Variants in ADCY1 observed in about 807,000 individuals in gnomAD.
ADCY1 encodes adenylate cyclase 1, also known as adenylate cyclase type 1.
A neutral mutation model predicts 105.4 loss-of-function variants in ADCY1; 28 were observed. That is an observed-to-expected ratio of 0.27 (90% CI 0.20 to 0.36). ADCY1 has a LOEUF of 0.36. Ranked by LOEUF, ADCY1 falls within the 10% of genes least tolerant of loss-of-function variation. ADCY1 has a pLI of 1.00. For missense variants in ADCY1, 977 were observed against 1,434.2 expected (o/e 0.68, Z 5.15); for synonymous variants, 655 against 623.8 (o/e 1.05, Z -0.75).
chr7:45,592,290 G>A (rs7800510), intron 1 of ADCY1, among the ~76,000 whole-genome samples: 10,749 of 152,092 alleles, frequency 0.071, 387 homozygotes, highest in African/African-American at 0.082. Flanking sequence ...CTGAGACCTC[G>A]TTCCTGGGCT....
chr7:45,720,959 C>T lies in ADCY1; in HGVS notation c.*6964C>T, dbSNP rs903808412. On this transcript the variant is annotated 3_prime_UTR_variant, in exon 20 of 20. Transcript: ENST00000297323. ...TGGGGACTTGAGTAAAGTCACACAG[C>T]CCTGAGAGGCAGGACCAGGGTTCCA... 1 of 152,264 alleles carries T rather than the reference C, an allele frequency of 6.6e-6. No individual in the cohort carries two copies. 9.4% of individuals were successfully genotyped at this position (152,264 alleles called of 1,614,324 possible). A position where few individuals can be genotyped will look rare whatever the true frequency, so the allele number is the denominator to read the frequency against.
Position 45,590,717 on chromosome 7 carries a change from C to T in ADCY1, c.640-2042C>T, listed in dbSNP as rs80172854. 5.8e-3 allele frequency among the ~76,000 whole-genome samples: 877 copies of T among 152,136 alleles called. 5 individuals carry two copies. Among genetic ancestry groups the T allele is most frequent in the Non-Finnish European group, 8.4e-3 (573 of 67,998 alleles). On this transcript the variant is annotated intron_variant, in intron 1 of 19. Coordinates refer to ENST00000297323, the MANE Select transcript of ADCY1 (RefSeq NM_021116.4). Reference sequence around the variant, plus strand: ...AGGGTCATAGTGGAGATTTCAAGGTCACCTTCTTGATGCTCAGGGTCTGGG... The same window carrying T: ...AGGGTCATAGTGGAGATTTCAAGGTTACCTTCTTGATGCTCAGGGTCTGGG...
chr7:45,679,567 G>A, intron 10 of ADCY1, 142 bp from the exon 11 acceptor site: 1 of 775,524 alleles, frequency 1.3e-6, no homozygotes, highest in Non-Finnish European at 2.2e-6. Flanking sequence ...AGAGACCTGA[G>A]TGGCAGGCAT....
rs753914028 is a variant in ADCY1, at chr7:45,704,583, C to T, written c.2784C>T (p.Ala928=). ...KIKTIGSTYM[A]AVGLAPTSGT... The stretch of plus-strand genomic sequence containing the variant: ...AGACCATCGGGAGCACCTACATGGC[C>T]GCTGTGGGGCTAGCGCCCACCTCGG... Residue 928 remains alanine (A), a synonymous_variant, in exon 17 of 20, where the codon GCC becomes GCT. Transcript: ENST00000297323. 8.5e-5 allele frequency: 137 copies of T among 1,614,092 alleles called. No individual in the cohort carries two copies. The highest frequency in any genetic ancestry group is 6.7e-5 in the Admixed American group (4 of 60,010).
rs1277542853 is a variant in ADCY1 at position 45,715,403 on chromosome 7, G to C, written c.*1408G>C. The C allele has an allele frequency of 6.6e-6, 1 of 152,454 alleles. No homozygotes were observed. The highest frequency in any genetic ancestry group is 1.9e-4 in the East Asian group (1 of 5,188). The allele number at this position is 152,454 out of a possible 1,614,324, so 9.4% of individuals were successfully genotyped here. On this transcript the variant is annotated 3_prime_UTR_variant, in exon 20 of 20. Transcript: ENST00000297323. Reference sequence around the variant, plus strand: ...CAGATGAGGCCTGAGCCCTGCCTATGCTCAAAGCCAGCAGGGTTGGGGGTC... The same window carrying C: ...CAGATGAGGCCTGAGCCCTGCCTATCCTCAAAGCCAGCAGGGTTGGGGGTC...
intron 1 of ADCY1, among the ~76,000 whole-genome samples, chr7:45,578,862 G>A (rs1792431273): frequency 6.6e-6 from 1 of 152,208 alleles, no homozygotes; most frequent in Non-Finnish European, 1.5e-5. Context: ...TGTGAATCAG[G>A]ATATTGTATT....
rs116239425 is a variant in ADCY1, at chr7:45,703,231, T to C, written c.2455-145T>C. The stretch of plus-strand genomic sequence containing the variant: ...CCAGTAACATGGATCTAGTCTTGCA[T>C]CTAGTGGGGAGGAGGGACAGGAGCG... On this transcript the variant is annotated intron_variant, in intron 14 of 19. Transcript: ENST00000297323. The surrounding 1 kb of genome is among the most constrained non-coding windows in gnomAD (Gnocchi z 5.9). The C allele has an allele frequency of 1.1e-5, 8 of 755,198 alleles. No individual in the cohort carries two copies. In the African/African-American group the frequency reaches 1.4e-4, roughly 13 times the overall value. 46.8% of individuals were successfully genotyped at this position (755,198 alleles called of 1,614,324 possible).
At position 45,681,053 on chromosome 7, in the gene ADCY1, A is replaced by G. The variant is rs191223348; in HGVS notation, c.1983+1260A>G. On this transcript the variant is annotated intron_variant, in intron 11 of 19. Coordinates refer to ENST00000297323, the MANE Select transcript of ADCY1 (RefSeq NM_021116.4). ...TGAGACGGGTCAGCCCCTTTCCCACATGTGAGGAAAGTGGGCTCAGGCAGG... is the reference window on the plus strand; with the variant it reads ...TGAGACGGGTCAGCCCCTTTCCCACGTGTGAGGAAAGTGGGCTCAGGCAGG... Among the ~76,000 whole-genome samples, 425 of 152,318 alleles carry G rather than the reference A, an allele frequency of 2.8e-3. 4 individuals are homozygous for G. The highest frequency in any genetic ancestry group is 9.3e-3 in the African/African-American group (387 of 41,572).
intron 17 of ADCY1, among the ~76,000 whole-genome samples, chr7:45,705,920 T>C (rs1173652632): frequency 1.3e-5 from 2 of 152,176 alleles, no homozygotes; most frequent in Non-Finnish European, 2.9e-5. Flanking sequence ...CAATGAACAA[T>C]TGGAATTTGC....
Position 45,708,595 on chromosome 7 carries a change from G to T in ADCY1, c.2932+131G>T, listed in dbSNP as rs754382126. ...GTGGTGCCACCCAGGAGGGCATGGGGACCTGTGTACCGAGTTGCCCCTGGA... is the reference window on the plus strand; with the variant it reads ...GTGGTGCCACCCAGGAGGGCATGGGTACCTGTGTACCGAGTTGCCCCTGGA... On this transcript the variant is annotated intron_variant, in intron 18 of 19. Transcript: ENST00000297323. The surrounding 1 kb of genome is among the most constrained non-coding windows in gnomAD (Gnocchi z 4.7). 38 of 678,542 alleles carry T rather than the reference G, an allele frequency of 5.6e-5. No individual in the cohort carries two copies. Among genetic ancestry groups the T allele is most frequent in the Non-Finnish European group, 9.7e-5 (37 of 382,264 alleles). 42.0% of individuals were successfully genotyped at this position (678,542 alleles called of 1,614,324 possible).
rs1298452993 is a variant in ADCY1 at position 45,653,766 on chromosome 7, C to A, written c.1149-3961C>A. 2.0e-5 allele frequency among the ~76,000 whole-genome samples: 3 copies of A among 152,200 alleles called. No individual in the cohort carries two copies. In the East Asian group the frequency reaches 5.8e-4, roughly 29 times the overall value. ...TCATACCCCTCTCCTCTGACACGCA[C>A]CACCAGCTCTGCTGCTCTCCCAGAG... On this transcript the variant is annotated intron_variant, in intron 5 of 19. Coordinates refer to ENST00000297323, the MANE Select transcript of ADCY1 (RefSeq NM_021116.4).
intron 8 of ADCY1, among the ~76,000 whole-genome samples, chr7:45,674,468 G>C (rs1784420054): frequency 6.6e-6 from 1 of 152,044 alleles, no homozygotes; most frequent in Admixed American, 6.6e-5. Context: ...TCTGCCTCCT[G>C]GGTTCGAGCA....
At chr7:45,582,114 ACT>A (rs1792567357) in intron 1 of ADCY1, among the ~76,000 whole-genome samples, 1 of 152,014 alleles carries the variant, frequency 6.6e-6, no homozygotes, top group South Asian at 2.1e-4. Flanking sequence ...AGATTCACAC[ACT>A]CACAAAGCAA....
chr7:45,683,246 C>T (rs1664744028), intron 11 of ADCY1, among the ~76,000 whole-genome samples: 1 of 152,172 alleles, frequency 6.6e-6, no homozygotes, highest in Admixed American at 6.5e-5. Context: ...TTCCCCCAGA[C>T]CCCCTTGTCA....
chr7:45,649,872 G>A (rs1438302164), intron 5 of ADCY1, among the ~76,000 whole-genome samples: 1 of 152,238 alleles, frequency 6.6e-6, no homozygotes, highest in Non-Finnish European at 1.5e-5. Context: ...AGAGCCCGAG[G>A]TGGCTGGTCT....
At chr7:45,678,973 CA>C (rs1784511252) in intron 10 of ADCY1, among the ~76,000 whole-genome samples, 1 of 152,056 alleles carries the variant, frequency 6.6e-6, no homozygotes, top group East Asian at 1.9e-4. Flanking sequence ...ATGTCATTTT[CA>C]AAAACTTAAA....
intron 14 of ADCY1, among the ~76,000 whole-genome samples, chr7:45,689,709 T>C (rs559158939): frequency 2.0e-5 from 3 of 152,304 alleles, no homozygotes; most frequent in East Asian, 3.9e-4. Flanking sequence ...GTCTGACTTA[T>C]CACCAGAGGA....
chr7:45,579,151 A>T (rs1247171939), intron 1 of ADCY1, among the ~76,000 whole-genome samples: 1 of 152,258 alleles, frequency 6.6e-6, no homozygotes, highest in Admixed American at 6.5e-5. Flanking sequence ...CATAGGGCTC[A>T]AGGGCCCTGG....
At chr7:45,643,693 A>C (rs1020527467) in intron 4 of ADCY1, among the ~76,000 whole-genome samples, 1 of 152,132 alleles carries the variant, frequency 6.6e-6, no homozygotes, top group South Asian at 2.1e-4. Flanking sequence ...CCACAGTAAA[A>C]AACCGAAGTC....
Sources: allele counts gnomAD v4.1 joint callset (sites outside exome capture counted in the v4.1 genomes callset), GRCh38; gene constraint gnomAD v4.1.1; non-coding constraint Gnocchi (gnomAD v3.1); transcripts MANE v1.5; gene names NCBI Gene and HGNC (gene_info 2026-07-23, HGNC 2026-07-21).